Variants in CERS4 observed in about 807,000 individuals in gnomAD.
The protein encoded by CERS4 is ceramide synthase 4.
In CERS4, 65 loss-of-function variants were observed where a neutral mutation model predicts 51.8. The ratio of observed to expected loss-of-function variants is 1.26; its 90% CI spans 1.03 to 1.54. CERS4 has a LOEUF of 1.54. CERS4 is among the 40% of genes most tolerant of loss of function. The pLI, the probability that CERS4 is intolerant of heterozygous loss-of-function variation, is 0.00. For synonymous variants in CERS4, 228 were observed against 208.4 expected (o/e 1.09, Z -0.81); for missense variants, 563 against 500.4 (o/e 1.13, Z -1.19).
At chr19:8,211,776 C>G (rs1005535158) in intron 2 of CERS4, among the ~76,000 whole-genome samples, 9 of 151,014 alleles carry the variant, frequency 6.0e-5, no homozygotes, top group African/African-American at 2.2e-4. Flanking sequence ...CCTGTAATCT[C>G]AGCTGCATGG....
chr19:8,221,878 T>A (rs796514426), intron 2 of CERS4, among the ~76,000 whole-genome samples: 1,254 of 84,376 alleles, frequency 0.015, 56 homozygotes, highest in African/African-American at 0.069. Flanking sequence ...TTATGTTTTT[T>A]TTTTTTTTTT....
chr19:8,235,455 T>C (rs1361665017), intron 2 of CERS4, among the ~76,000 whole-genome samples: 1 of 151,510 alleles, frequency 6.6e-6, no homozygotes, highest in Non-Finnish European at 1.5e-5. Flanking sequence ...AAACTTCTAG[T>C]TCAGGCCGGG....
intron 6 of CERS4, 77 bp downstream of exon 6, chr19:8,255,956 G>C: frequency 6.8e-7 from 1 of 1,477,818 alleles, no homozygotes; most frequent in Non-Finnish European, 9.4e-7. Flanking sequence ...TGGGGGTGTG[G>C]AGTGGTGCAG....
At chr19:8,243,319 A>G (rs1338577516) in intron 2 of CERS4, among the ~76,000 whole-genome samples, 1 of 151,318 alleles carries the variant, frequency 6.6e-6, no homozygotes, top group Non-Finnish European at 1.5e-5. Flanking sequence ...TGTGTCCTTG[A>G]GCCCCCACGG....
chr19:8,237,013 A>G (rs1320319621), intron 2 of CERS4, among the ~76,000 whole-genome samples: 2 of 150,904 alleles, frequency 1.3e-5, no homozygotes, highest in African/African-American at 4.9e-5. Context: ...AAAAAAAAAA[A>G]AAAAAAAAAA....
At chr19:8,245,375 C>T (rs976939621) in intron 2 of CERS4, among the ~76,000 whole-genome samples, 2 of 151,642 alleles carry the variant, frequency 1.3e-5, no homozygotes, top group African/African-American at 4.8e-5. Flanking sequence ...CTCTGCCTCA[C>T]GAGTAGCTAG....
At chr19:8,249,108 GGAT>G (rs1264699111) in intron 2 of CERS4, among the ~76,000 whole-genome samples, 1 of 148,628 alleles carries the variant, frequency 6.7e-6, no homozygotes, top group Non-Finnish European at 1.5e-5. Context: ...GCGAACAGAT[GGAT>G]GATGGGTAGA....
intron 2 of CERS4, chr19:8,250,665 C>A: frequency 4.9e-6 from 1 of 202,044 alleles, no homozygotes; most frequent in Non-Finnish European, 8.8e-6. Flanking sequence ...CCATGTTGGT[C>A]AGGCTGCTCT....
At position 8,254,668 on chromosome 19, in the gene CERS4, G is replaced by A. The variant is rs548953311; in HGVS notation, c.291+52G>A. On this transcript the variant is annotated intron_variant, in intron 4 of 11. Transcript: ENST00000251363. Reference sequence around the variant, plus strand: ...CGCACTACTGCCCTGGGGGTGGGGCGTGGGGATGGTGTGTGGCCCATTTGT... The same window carrying A: ...CGCACTACTGCCCTGGGGGTGGGGCATGGGGATGGTGTGTGGCCCATTTGT... 83 of 1,493,864 alleles carry A rather than the reference G, an allele frequency of 5.6e-5. No individual in the cohort carries two copies. The Middle Eastern group carries it at 6.9e-4, about 12-fold the overall frequency. The allele number at this position is 1,493,864 out of a possible 1,614,324, so 92.5% of individuals were successfully genotyped here. A position where few individuals can be genotyped will look rare whatever the true frequency, so the allele number is the denominator to read the frequency against.
chr19:8,255,317 C>A (rs542578495), intron 4 of CERS4, among the ~76,000 whole-genome samples: 6 of 152,270 alleles, frequency 3.9e-5, no homozygotes, highest in African/African-American at 1.2e-4. Context: ...TGGAGGGACG[C>A]AGGGAAGCCT....
intron 10 of CERS4, among the ~76,000 whole-genome samples, chr19:8,258,479 C>T (rs548812604): frequency 2.3e-4 from 35 of 151,574 alleles, no homozygotes; most frequent in African/African-American, 4.4e-4. Context: ...GAGGCTGAGG[C>T]GGGCGGGTCA....
intron 2 of CERS4, among the ~76,000 whole-genome samples, chr19:8,232,772 G>A (rs1398951802): frequency 6.7e-6 from 1 of 148,408 alleles, no homozygotes; most frequent in African/African-American, 2.5e-5. Context: ...CCAGGTTAGA[G>A]TGCTGGTGGT....
intron 2 of CERS4, among the ~76,000 whole-genome samples, chr19:8,242,678 G>A (rs924471288): frequency 1.3e-5 from 2 of 152,152 alleles, no homozygotes; most frequent in African/African-American, 2.4e-5. Flanking sequence ...CAGAGATGTT[G>A]CTTGTTTTCC....
intron 2 of CERS4, among the ~76,000 whole-genome samples, chr19:8,245,789 C>CT (rs1968754418): frequency 6.6e-6 from 1 of 150,884 alleles, no homozygotes; most frequent in Admixed American, 6.7e-5. Flanking sequence ...ATCCACTCAC[C>CT]TTGGCCTCCC....
chr19:8,261,022 G>A (rs1203303798), intron 10 of CERS4: 1 of 152,094 alleles, frequency 6.6e-6, no homozygotes, highest in Non-Finnish European at 1.5e-5. Flanking sequence ...GTGGGAGCTG[G>A]GCTCCAGGAC....
chr19:8,245,133 A>AAACAAAAAAAAACAAAAAAAAAAG (rs1968722885), intron 2 of CERS4, among the ~76,000 whole-genome samples: 4 of 150,158 alleles, frequency 2.7e-5, no homozygotes, highest in African/African-American at 9.8e-5. Flanking sequence ...AAAAAAAAAA[A>AAACAAAAAAAAACAAAAAAAAAAG]AACACTCTTG....
chr19:8,260,367 GTAT>G (rs1969616536), intron 10 of CERS4, among the ~76,000 whole-genome samples: 1 of 64,750 alleles, frequency 1.5e-5, no homozygotes, highest in Admixed American at 2.5e-4. Flanking sequence ...GCTAATTTTT[GTAT>G]TTTTTTTTTT....
At chr19:8,254,355 C>A in intron 3 of CERS4, 144 bp from the exon 4 acceptor site, 2 of 417,610 alleles carry the variant, frequency 4.8e-6, no homozygotes, top group South Asian at 5.3e-5. Flanking sequence ...CTTACACACC[C>A]TGCCATGTGC....
Position 8,254,610 on chromosome 19 carries a change from C to G in CERS4, c.285C>G (p.Pro95=), listed in dbSNP as rs111564662. The G allele has an allele frequency of 5.6e-6, 9 of 1,607,104 alleles. No homozygotes were observed. Among genetic ancestry groups the G allele is most frequent in the South Asian group, 5.6e-5 (5 of 89,906 alleles). ...ACTTCCTCACGGAAGGGCACAGGCC[C>G]AAGGAGGTGAGAGCCCCCCATGCCC... is the stretch of plus-strand genomic sequence containing the variant. ...EKHFLTEGHR[P]KEPQLSLLAA... is the part of the protein sequence containing the mutation. The change falls in exon 4 of 12, where the codon CCC becomes CCG. Residue 95 remains proline, a synonymous_variant. Transcript: ENST00000251363.
Sources: allele counts gnomAD v4.1 joint callset (sites outside exome capture counted in the v4.1 genomes callset), GRCh38; gene constraint gnomAD v4.1.1; transcripts MANE v1.5; gene names NCBI Gene and HGNC (gene_info 2026-07-23, HGNC 2026-07-21).